Variants in IL1R1 observed in about 807,000 individuals in gnomAD.
IL1R1 encodes the protein interleukin-1 receptor type 1.
IL1R1 carries 22 observed loss-of-function variants against 50.2 expected under a neutral mutation model. That is an observed-to-expected ratio of 0.44 (90% CI 0.31 to 0.63). The LOEUF is 0.63. IL1R1 is among the 20% of genes least tolerant of loss of function. IL1R1 has a pLI of 0.07. For synonymous variants in IL1R1, 251 were observed against 236.7 expected, an observed-to-expected ratio of 1.06 and a Z score of -0.55; for missense variants, 509 against 676.2, an observed-to-expected ratio of 0.75 and a Z score of 2.74.
chr2:102,130,897 C>T (rs896031017), intron 1 of IL1R1, among the ~76,000 whole-genome samples: 17 of 152,110 alleles, frequency 1.1e-4, no homozygotes, highest in African/African-American at 4.1e-4. Flanking sequence ...AAGAATTGGA[C>T]ATCAGCTAAG....
At chr2:102,172,391 T>A (rs1685766562) in intron 8 of IL1R1, 3 of 985,382 alleles carry the variant, frequency 3.0e-6, no homozygotes, top group Non-Finnish European at 3.6e-6. Flanking sequence ...CTCCTCTTGT[T>A]TAGTGTCTCC....
upstream of IL1R1, chr2:102,142,579 G>T (rs1332505981): frequency 1.3e-5 from 2 of 152,018 alleles, no homozygotes; most frequent in African/African-American, 4.8e-5. Context: ...GGCTACCCGG[G>T]GCAGGGCGGT....
intron 1 of IL1R1, among the ~76,000 whole-genome samples, chr2:102,079,987 A>C (rs1466555612): frequency 6.6e-6 from 1 of 152,186 alleles, no homozygotes; most frequent in Non-Finnish European, 1.5e-5. Flanking sequence ...AGTGGGGGAA[A>C]GAATAATCTT....
At chr2:102,157,882 G>A (rs1304901406) in intron 3 of IL1R1, 97 bp downstream of exon 3, 15 of 803,390 alleles carry the variant, frequency 1.9e-5, no homozygotes, top group African/African-American at 3.4e-5. Flanking sequence ...TCTCATACTC[G>A]TCTCTGTTGA....
At chr2:102,176,020 A>T in intron 11 of IL1R1, 1 of 450,738 alleles carries the variant, frequency 2.2e-6, no homozygotes, top group Non-Finnish European at 3.9e-6. Flanking sequence ...CCAATTTTTG[A>T]GTTAGTCTAT....
intron 1 of IL1R1, among the ~76,000 whole-genome samples, chr2:102,099,356 G>A (rs1680039733): frequency 6.6e-6 from 1 of 152,228 alleles, no homozygotes; most frequent in Admixed American, 6.5e-5. Flanking sequence ...CTTTGTTTGA[G>A]TTCTTCCAGG....
At chr2:102,105,746 C>T (rs901361117) in intron 1 of IL1R1, among the ~76,000 whole-genome samples, 3 of 152,314 alleles carry the variant, frequency 2.0e-5, no homozygotes, top group Non-Finnish European at 4.4e-5. Context: ...CTTGTACACG[C>T]TTTCTTCAAT....
rs1251184987 is a variant in IL1R1 at position 102,178,423 on chromosome 2, T to A, written c.*1664T>A. The A allele has an allele frequency of 1.3e-5, 2 of 152,206 alleles. No individual in the cohort carries two copies. The highest frequency in any genetic ancestry group is 4.8e-5 in the African/African-American group (2 of 41,444). 9.4% of individuals were successfully genotyped at this position (152,206 alleles called of 1,614,324 possible). A position where few individuals can be genotyped will look rare whatever the true frequency, so the allele number is the denominator to read the frequency against. ...TGTTTAAAAACATTCCCCAATTATC[T>A]TATTTAATTTTTGCAATTATTCTAA... On this transcript the variant is annotated 3_prime_UTR_variant, in exon 12 of 12. Coordinates refer to ENST00000410023, the MANE Select transcript of IL1R1 (RefSeq NM_000877.4).
intron 2 of IL1R1, among the ~76,000 whole-genome samples, chr2:102,154,773 T>C (rs1317062413): frequency 6.6e-6 from 1 of 152,232 alleles, no homozygotes; most frequent in African/African-American, 2.4e-5. Context: ...TGTACATGCT[T>C]CTCTGCCACC....
In IL1R1 at chr2:102,175,494, C is replaced by G. The variant is rs963946273; in HGVS notation, c.1152C>G (p.Thr384=). The G allele has an allele frequency of 1.9e-6, 3 of 1,613,306 alleles. No homozygotes were observed. The South Asian group carries it at 3.3e-5, about 18-fold the overall frequency. Reference sequence around the variant, plus strand: ...TTCCTTTAGCTTCAGATGGAAAGACCTATGACGCATATATACTGTATCCAA... The same window carrying G: ...TTCCTTTAGCTTCAGATGGAAAGACGTATGACGCATATATACTGTATCCAA... ...FLPIKASDGK[T]YDAYILYPKT... The change falls in exon 11 of 12, where the codon ACC becomes ACG. Residue 384 remains threonine (T), a synonymous_variant. Transcript: ENST00000410023.
At chr2:102,142,719 G>A (rs953142939), upstream of IL1R1, 2 of 151,124 alleles carry the variant, frequency 1.3e-5, no homozygotes, top group African/African-American at 4.8e-5. Context: ...CCGCAGCGGC[G>A]GGGCTAGAGC....
intron 1 of IL1R1, among the ~76,000 whole-genome samples, chr2:102,097,169 G>A (rs1053654181): frequency 2.0e-5 from 3 of 152,060 alleles, no homozygotes; most frequent in African/African-American, 4.8e-5. Context: ...ATCGGGGATC[G>A]GGGCTGCTTC....
At chr2:102,114,908 G>C (rs1680980563) in intron 1 of IL1R1, among the ~76,000 whole-genome samples, 1 of 152,168 alleles carries the variant, frequency 6.6e-6, no homozygotes, top group Non-Finnish European at 1.5e-5. Context: ...TAAGCCCCTG[G>C]AGTTGAGTTC....
At chr2:102,110,643 G>A (rs376648670) in intron 1 of IL1R1, among the ~76,000 whole-genome samples, 2 of 151,436 alleles carry the variant, frequency 1.3e-5, no homozygotes, top group South Asian at 2.1e-4. Context: ...GTGGTCTCTC[G>A]TGGCAAATAC....
At chr2:102,096,556 A>C (rs1679910955) in intron 1 of IL1R1, among the ~76,000 whole-genome samples, 2 of 151,002 alleles carry the variant, frequency 1.3e-5, no homozygotes, top group African/African-American at 4.9e-5. Flanking sequence ...TGCCTATTTA[A>C]TATTTTTTTT....
At chr2:102,108,465 A>T (rs1301756157) in intron 1 of IL1R1, among the ~76,000 whole-genome samples, 1 of 152,118 alleles carries the variant, frequency 6.6e-6, no homozygotes, top group Non-Finnish European at 1.5e-5. Context: ...AGAGCTCCTC[A>T]AAGACGGGGT....
intron 1 of IL1R1, among the ~76,000 whole-genome samples, chr2:102,120,346 G>T (rs1681338672): frequency 6.6e-6 from 1 of 152,108 alleles, no homozygotes; most frequent in South Asian, 2.1e-4. Flanking sequence ...TGTGTGTTTT[G>T]TGTGTGTTGC....
intron 1 of IL1R1, among the ~76,000 whole-genome samples, chr2:102,110,453 C>T (rs1170745194): frequency 7.7e-6 from 1 of 129,622 alleles, no homozygotes; most frequent in African/African-American, 2.9e-5. Context: ...CCAGGTCATA[C>T]CAATTAACAC....
chr2:102,140,553 A>G (rs1364619956), upstream of IL1R1, among the ~76,000 whole-genome samples: 2 of 152,246 alleles, frequency 1.3e-5, no homozygotes, highest in East Asian at 3.9e-4. Flanking sequence ...GGATTGCATC[A>G]CTAGCATACA....
Sources: gnomAD v4.1 joint callset for allele counts (sites outside exome capture counted in the v4.1 genomes callset) on GRCh38, gnomAD v4.1.1 for gene constraint, MANE v1.5 for transcripts, NCBI Gene and HGNC (gene_info 2026-07-23, HGNC 2026-07-21) for gene names.